ALG8: variants seen among roughly 807,000 people sequenced by gnomAD.
ALG8 encodes the protein ALG8 alpha-1,3-glucosyltransferase, also known as dolichyl pyrophosphate Glc1Man9GlcNAc2 alpha-1,3-glucosyltransferase.
A neutral mutation model predicts 70.2 loss-of-function variants in ALG8; 48 were observed. The ratio of observed to expected loss-of-function variants is 0.68; its 90% confidence interval spans 0.54 to 0.87. The LOEUF (loss-of-function observed/expected upper bound fraction) is 0.87, where lower values mean the gene tolerates loss of function less well. Among genes scored for constraint, ALG8 ranks in the 40% least tolerant of loss-of-function variants. The pLI, the probability that ALG8 is intolerant of heterozygous loss-of-function variation, is 0.00. For missense variants in ALG8, 572 were observed against 608.7 expected (o/e 0.94, Z 0.64); for synonymous variants, 234 against 229.0 (o/e 1.02, Z -0.20).
At chr11:78,119,333 T>C (rs1275846641) in intron 4 of ALG8, 84 bp from the exon 5 acceptor site, 2 of 976,296 alleles carry the variant, frequency 2.0e-6, no homozygotes, top group East Asian at 2.5e-5. Flanking sequence ...AAATTCCAAA[T>C]GCTTTAATAG....
Position 78,121,078 on chromosome 11 carries a change from T to C in ALG8, c.465A>G (p.Leu155=), listed in dbSNP as rs141978141. ...LSVLLLWNFG[L]LIVDHIHFQY... is the part of the protein sequence containing the mutation. Reference sequence around the variant, plus strand: ...TATCAAGGATACGGTCCACAATTAATAACCCGAAGTTCCACAGAAGTAATA... The same window carrying C: ...TATCAAGGATACGGTCCACAATTAACAACCCGAAGTTCCACAGAAGTAATA... The change falls in exon 4 of 13, where the codon TTA becomes TTG. Residue 155 remains leucine (L), a synonymous_variant. Transcript: ENST00000299626. 1.9e-6 allele frequency: 3 copies of C among 1,613,414 alleles called. No individual in the cohort carries two copies. In the East Asian group the frequency reaches 6.7e-5, roughly 36 times the overall value.
At chr11:78,138,627 G>A (rs1861654320) in intron 1 of ALG8, 1 of 440,024 alleles carries the variant, frequency 2.3e-6, no homozygotes, top group African/African-American at 2.0e-5. Flanking sequence ...AGGGAAAGGA[G>A]AAAAGGGATG....
At chr11:78,110,256 C>G (rs572319684) in intron 8 of ALG8, among the ~76,000 whole-genome samples, 1 of 152,128 alleles carries the variant, frequency 6.6e-6, no homozygotes, top group Non-Finnish European at 1.5e-5. Flanking sequence ...GCAATCTCAG[C>G]TCACTGCAGC....
intron 9 of ALG8, chr11:78,107,657 A>C (rs1401672039): frequency 6.3e-6 from 1 of 158,226 alleles, no homozygotes; most frequent in Non-Finnish European, 1.4e-5. Flanking sequence ...TGACCAACAT[A>C]GTGAAACCCC....
intron 10 of ALG8, chr11:78,104,678 T>G: frequency 2.2e-6 from 1 of 458,834 alleles, no homozygotes; most frequent in Non-Finnish European, 3.9e-6. Flanking sequence ...AGAATCTTGC[T>G]TCTGGCCGGG....
intron 2 of ALG8, among the ~76,000 whole-genome samples, chr11:78,125,464 G>T (rs1427283773): frequency 6.6e-6 from 1 of 151,294 alleles, no homozygotes; most frequent in Non-Finnish European, 1.5e-5. Context: ...CAAAAAATTT[G>T]CCTTAAAAAA....
At position 78,124,186 on chromosome 11, in the gene ALG8, G is replaced by A. The variant is rs1565357740; in HGVS notation, c.203C>T (p.Pro68Leu). The A allele has an allele frequency of 6.2e-7, 1 of 1,614,134 alleles. No homozygotes were observed. Among genetic ancestry groups the A allele is most frequent in the African/African-American group, 1.3e-5 (1 of 75,044 alleles). Residue 68 changes from proline to leucine, a missense_variant, in exon 3 of 13, where the codon CCC (proline) becomes CTC (leucine). Transcript: ENST00000299626. ...EATSEWTLDY[P>L]PFFAWFEYIL... ...ATACTCAAACCATGCAAAGAAAGGG[G>A]GGTAATCCAACGTCCACTCTGAAGT...
intron 4 of ALG8, among the ~76,000 whole-genome samples, chr11:78,120,263 C>T (rs1032111982): frequency 6.6e-6 from 1 of 152,132 alleles, no homozygotes; most frequent in Admixed American, 6.5e-5. Flanking sequence ...AAAGGCCCCG[C>T]AGCTCAGGGG....
chr11:78,114,094 T>C, intron 6 of ALG8, 105 bp from the exon 7 acceptor site: 8 of 1,352,284 alleles, frequency 5.9e-6, no homozygotes, highest in Non-Finnish European at 8.3e-6. Context: ...AGTATACCAA[T>C]CTATTCATGA....
chr11:78,104,236 A>T, intron 11 of ALG8, 120 bp downstream of exon 11: 1 of 1,038,456 alleles, frequency 9.6e-7, no homozygotes, highest in East Asian at 2.6e-5. Context: ...TTTATTTAAG[A>T]GGATGAATGA....
At chr11:78,129,180 G>A (rs906499599) in intron 1 of ALG8, among the ~76,000 whole-genome samples, 5 of 151,810 alleles carry the variant, frequency 3.3e-5, no homozygotes, top group African/African-American at 1.2e-4. Context: ...CAGCACTTTG[G>A]GAGGCTGAGG....
intron 1 of ALG8, among the ~76,000 whole-genome samples, chr11:78,138,380 A>G (rs1325319537): frequency 6.6e-6 from 1 of 151,268 alleles, no homozygotes; most frequent in Non-Finnish European, 1.5e-5. Flanking sequence ...AAACAAAAAA[A>G]ACAACTCTGA....
chr11:78,114,581 GA>G, intron 5 of ALG8, 189 bp from the exon 6 acceptor site: 1 of 688,268 alleles, frequency 1.5e-6, no homozygotes. Context: ...GGTAATGGGG[GA>G]AAATGGGTGA....
intron 2 of ALG8, among the ~76,000 whole-genome samples, chr11:78,126,505 C>A (rs1861085010): frequency 1.4e-5 from 2 of 140,690 alleles, no homozygotes; most frequent in South Asian, 4.3e-4. Context: ...GCACTCCAGC[C>A]TGGGTGACAA....
intron 9 of ALG8, among the ~76,000 whole-genome samples, chr11:78,108,095 T>C (rs1279266503): frequency 6.6e-6 from 1 of 151,694 alleles, no homozygotes; most frequent in Non-Finnish European, 1.5e-5. Flanking sequence ...CTGGACAACA[T>C]GGTGAAACCC....
intron 4 of ALG8, among the ~76,000 whole-genome samples, chr11:78,120,128 A>T (rs771906743): frequency 8.5e-5 from 13 of 152,146 alleles, no homozygotes; most frequent in Admixed American, 2.0e-4. Flanking sequence ...AAGGAAAGAA[A>T]CTTATGTTTA....
intron 12 of ALG8, among the ~76,000 whole-genome samples, 177 bp downstream of exon 12, chr11:78,103,803 A>G (rs1274950078): frequency 6.6e-6 from 1 of 152,144 alleles, no homozygotes; most frequent in Non-Finnish European, 1.5e-5. Context: ...GACACAAACT[A>G]TGTTGTCTCG....
rs185812873 is a variant in ALG8 at position 78,103,395 on chromosome 11, C to T, written c.1349+585G>A. 1.2e-4 allele frequency: 19 copies of T among 152,788 alleles called. No individual in the cohort carries two copies. The East Asian group carries it at 2.7e-3, about 22-fold the overall frequency. The allele number at this position is 152,788 out of a possible 1,614,324, so 9.5% of individuals were successfully genotyped here. A position where few individuals can be genotyped will look rare whatever the true frequency, so the allele number is the denominator to read the frequency against. On this transcript the variant is annotated intron_variant, in intron 12 of 12. Coordinates refer to ENST00000299626, the MANE Select transcript of ALG8 (RefSeq NM_024079.5). ...TGGAGAATCGCTTGAACCCAGGAGG[C>T]GGAAGTTGCAGTGAGTGGAGATCGC... is the stretch of plus-strand genomic sequence containing the variant.
chr11:78,112,839 G>T lies in ALG8; in HGVS notation c.778-69C>A, dbSNP rs1429003974. ...TTTTCAAATTCAAAAAGAGAACTAGGGAACTCTCTATGGTATAGTGTGTAG... is the reference window on the plus strand; with the variant it reads ...TTTTCAAATTCAAAAAGAGAACTAGTGAACTCTCTATGGTATAGTGTGTAG... On this transcript the variant is annotated intron_variant, in intron 7 of 12. Transcript: ENST00000299626. 6 of 1,570,660 alleles carry T rather than the reference G, an allele frequency of 3.8e-6. No homozygotes were observed. The Middle Eastern group carries it at 5.2e-4, about 136-fold the overall frequency.
Sources: allele counts gnomAD v4.1 joint callset (sites outside exome capture counted in the v4.1 genomes callset), GRCh38; gene constraint gnomAD v4.1.1; transcripts MANE v1.5; gene names NCBI Gene and HGNC (gene_info 2026-07-23, HGNC 2026-07-21).